The following DCP1A variants were observed in gnomAD, a reference collection of about 807,000 sequenced individuals.
DCP1A encodes the protein mRNA-decapping enzyme 1A.
Under a neutral mutation model 58.0 loss-of-function variants are expected in DCP1A, and 20 were observed. The observed-to-expected ratio is 0.34, with a 90% CI of 0.24 to 0.50. DCP1A has a LOEUF of 0.50. Among genes scored for constraint, DCP1A ranks in the 20% least tolerant of loss-of-function variants. The pLI is 0.98. For synonymous variants in DCP1A, 285 were observed against 275.1 expected (o/e 1.04, Z -0.36); for missense variants, 613 against 712.2 (o/e 0.86, Z 1.59).
chr3:53,327,260 G>A (rs1708136442), intron 3 of DCP1A, among the ~76,000 whole-genome samples: 1 of 152,180 alleles, frequency 6.6e-6, no homozygotes, highest in African/African-American at 2.4e-5. Flanking sequence ...CAGCAGGGTT[G>A]TAAGCACAAA....
intron 6 of DCP1A, among the ~76,000 whole-genome samples, chr3:53,302,684 G>A (rs185477933): frequency 1.2e-4 from 18 of 152,204 alleles, no homozygotes; most frequent in East Asian, 1.2e-3. Flanking sequence ...GTGCAGTGGC[G>A]CAATCACGGC....
intron 3 of DCP1A, among the ~76,000 whole-genome samples, chr3:53,327,861 G>C (rs891016429): frequency 1.7e-4 from 26 of 151,622 alleles, no homozygotes; most frequent in African/African-American, 3.6e-4. Flanking sequence ...GGTGGCTCAC[G>C]TCTGTAATCC....
chr3:53,344,862 T>G (rs781966273), intron 2 of DCP1A, 40 bp downstream of exon 2: 17 of 1,458,786 alleles, frequency 1.2e-5, no homozygotes, highest in Admixed American at 3.5e-5. Flanking sequence ...TGTTCACCAC[T>G]AGACTGTTAA....
intron 6 of DCP1A, among the ~76,000 whole-genome samples, chr3:53,301,663 T>G (rs1339251340): frequency 6.6e-6 from 1 of 152,200 alleles, no homozygotes; most frequent in African/African-American, 2.4e-5. Flanking sequence ...CATAGGAGCT[T>G]TATTTGTAAT....
chr3:53,297,691 A>G (rs1553686940), intron 6 of DCP1A, among the ~76,000 whole-genome samples: 1 of 152,208 alleles, frequency 6.6e-6, no homozygotes, highest in East Asian at 1.9e-4. Context: ...TAAACAGCTC[A>G]TAACCACCCC....
At chr3:53,317,734 A>T (rs952311886) in intron 4 of DCP1A, among the ~76,000 whole-genome samples, 4 of 152,256 alleles carry the variant, frequency 2.6e-5, no homozygotes, top group Non-Finnish European at 5.9e-5. Context: ...ATCTTTTTTA[A>T]GAGAAAAAGT....
At chr3:53,290,338 T>C (rs184529653) in intron 8 of DCP1A, among the ~76,000 whole-genome samples, 3 of 152,218 alleles carry the variant, frequency 2.0e-5, no homozygotes, top group African/African-American at 4.8e-5. Flanking sequence ...CAGGGCAGTA[T>C]TTCCTACTTA....
At chr3:53,308,492 A>G (rs1343367106) in intron 5 of DCP1A, among the ~76,000 whole-genome samples, 1 of 152,160 alleles carries the variant, frequency 6.6e-6, no homozygotes, top group Non-Finnish European at 1.5e-5. Context: ...GGATCTCATT[A>G]TATGTTGACC....
At chr3:53,301,462 G>A (rs1216319092) in intron 6 of DCP1A, among the ~76,000 whole-genome samples, 1 of 151,722 alleles carries the variant, frequency 6.6e-6, no homozygotes, top group Non-Finnish European at 1.5e-5. Flanking sequence ...TAGTAGAGAC[G>A]GGGTTTCACC....
intron 7 of DCP1A, 97 bp from the exon 8 acceptor site, chr3:53,290,953 C>A: frequency 9.1e-7 from 1 of 1,094,254 alleles, no homozygotes; most frequent in Non-Finnish European, 1.3e-6. Flanking sequence ...AGTGGAAAAT[C>A]TAGGTTAGTA....
intron 4 of DCP1A, among the ~76,000 whole-genome samples, chr3:53,315,034 G>T (rs1238688245): frequency 1.3e-5 from 2 of 152,094 alleles, no homozygotes; most frequent in Non-Finnish European, 2.9e-5. Flanking sequence ...GGTGGTAATG[G>T]AAGGGACTCT....
intron 3 of DCP1A, among the ~76,000 whole-genome samples, chr3:53,341,497 G>A (rs951267126): frequency 6.6e-6 from 1 of 152,018 alleles, no homozygotes; most frequent in African/African-American, 2.4e-5. Context: ...CTTTCTTTGT[G>A]GAAAGAATTA....
intron 8 of DCP1A, among the ~76,000 whole-genome samples, chr3:53,289,807 A>G (rs1553685711): frequency 6.6e-6 from 1 of 151,654 alleles, no homozygotes; most frequent in Non-Finnish European, 1.5e-5. Context: ...GTCAGATTTG[A>G]TACAATCAAC....
rs782397219 is a variant in DCP1A, at chr3:53,292,203, T to C, written c.1249A>G (p.Met417Val). 50 of 1,613,834 alleles carry C rather than the reference T, an allele frequency of 3.1e-5. No homozygotes were observed. The highest frequency in any genetic ancestry group is 8.9e-5 in the East Asian group (4 of 44,872). Residue 417 changes from methionine to valine, a missense_variant, in exon 7 of 10, where the codon ATG becomes GTG. This residue lies in a region of DCP1A where 498 missense variants were observed against 556.7 expected (regional missense o/e 0.89). Coordinates refer to ENST00000610213, the MANE Select transcript of DCP1A (RefSeq NM_018403.7). ...IQTQPLGKGA[M>V]VASFSPAAGQ... ...GCTGCCGGAGAAAAGCTGGCTACCATTGCACCTTTCCCAAGTGGTTGTGTC... is the reference window on the plus strand; with the variant it reads ...GCTGCCGGAGAAAAGCTGGCTACCACTGCACCTTTCCCAAGTGGTTGTGTC...
At chr3:53,294,236 G>C (rs1286895810) in intron 6 of DCP1A, among the ~76,000 whole-genome samples, 1 of 152,210 alleles carries the variant, frequency 6.6e-6, no homozygotes, top group Admixed American at 6.5e-5. Flanking sequence ...CACTTGGTCG[G>C]CCACATAAAG....
intron 6 of DCP1A, among the ~76,000 whole-genome samples, chr3:53,303,412 A>T (rs2106818657): frequency 6.6e-6 from 1 of 152,192 alleles, no homozygotes; most frequent in African/African-American, 2.4e-5. Context: ...CATTACAGGC[A>T]CGTGCCACCA....
At chr3:53,335,986 G>C (rs2089107997) in intron 3 of DCP1A, among the ~76,000 whole-genome samples, 1 of 151,746 alleles carries the variant, frequency 6.6e-6, no homozygotes, top group Non-Finnish European at 1.5e-5. Flanking sequence ...TTTTTATAGA[G>C]ACAGGGTTTC....
chr3:53,303,538 T>G (rs1553687633), intron 6 of DCP1A, among the ~76,000 whole-genome samples: 1 of 152,136 alleles, frequency 6.6e-6, no homozygotes, highest in East Asian at 1.9e-4. Flanking sequence ...AGTGCTGGCG[T>G]TATAGGTGTG....
intron 5 of DCP1A, among the ~76,000 whole-genome samples, chr3:53,311,983 C>CTAGTCACTCTAGTGACTAG (rs1707658236): frequency 6.6e-6 from 1 of 151,934 alleles, no homozygotes; most frequent in South Asian, 2.1e-4. Context: ...CACAGGGTCT[C>CTAGTCACTCTAGTGACTAG]ACTGTTGCCC....
Sources: allele counts gnomAD v4.1 joint callset (sites outside exome capture counted in the v4.1 genomes callset), GRCh38; gene constraint gnomAD v4.1.1; regional missense constraint gnomAD v4.1.1; transcripts MANE v1.5; gene names NCBI Gene and HGNC (gene_info 2026-07-23, HGNC 2026-07-21).